The following AGBL4 variants were observed in gnomAD, a reference collection of about 807,000 sequenced individuals.
AGBL4 encodes the protein AGBL carboxypeptidase 4.
Under a neutral mutation model 66.4 loss-of-function variants are expected in AGBL4, and 58 were observed. The observed-to-expected ratio is 0.87, with a 90% CI of 0.71 to 1.09. The LOEUF (loss-of-function observed/expected upper bound fraction) is 1.09. AGBL4 is among the 50% of genes least tolerant of loss of function. AGBL4 has a pLI of 0.00. For missense variants in AGBL4, 579 were observed against 631.0 expected (o/e 0.92, Z 0.88); for synonymous variants, 234 against 222.9 (o/e 1.05, Z -0.44).
At chr1:49,458,066 T>A (rs1577968) in intron 3 of AGBL4, among the ~76,000 whole-genome samples, 91,536 of 151,360 alleles carry the variant, frequency 0.6, 28,457 homozygotes, top group Non-Finnish European at 0.67. Context: ...AATTTTAGGA[T>A]TGTTTTTACG....
At chr1:49,524,479 T>C (rs916219134) in intron 3 of AGBL4, among the ~76,000 whole-genome samples, 3 of 152,058 alleles carry the variant, frequency 2.0e-5, no homozygotes, top group Non-Finnish European at 2.9e-5. Context: ...AAAGAGAATA[T>C]AGTCCTGGGC....
chr1:49,990,231 A>G (rs976130895), intron 1 of AGBL4, among the ~76,000 whole-genome samples: 1 of 152,224 alleles, frequency 6.6e-6, no homozygotes, highest in African/African-American at 2.4e-5. Context: ...CACATTTAAT[A>G]TGGTTAGGCT....
intron 11 of AGBL4, among the ~76,000 whole-genome samples, chr1:48,577,117 T>C (rs1471188199): frequency 3.3e-5 from 5 of 152,268 alleles, no homozygotes; most frequent in Admixed American, 6.5e-5. Context: ...TCCCTCTCAT[T>C]GTCCTTGGAC....
At chr1:48,587,613 ATTATT>A (rs1644844019) in intron 10 of AGBL4, among the ~76,000 whole-genome samples, 1 of 146,182 alleles carries the variant, frequency 6.8e-6, no homozygotes, top group South Asian at 2.3e-4. Flanking sequence ...TTTTATTATT[ATTATT>A]TTATTTATTT....
At chr1:49,757,974 TG>T (rs1234256210) in intron 2 of AGBL4, among the ~76,000 whole-genome samples, 1 of 152,124 alleles carries the variant, frequency 6.6e-6, no homozygotes, top group African/African-American at 2.4e-5. Flanking sequence ...ATCCCCTCCC[TG>T]TAGGCCTGGG....
At chr1:48,847,010 A>C (rs1390633880) in intron 6 of AGBL4, among the ~76,000 whole-genome samples, 1 of 152,106 alleles carries the variant, frequency 6.6e-6, no homozygotes, top group African/African-American at 2.4e-5. Flanking sequence ...AAAACAAAAA[A>C]ACGAACTTGG....
At position 49,708,183 on chromosome 1, in the gene AGBL4, G is replaced by A. The variant is rs374641687; in HGVS notation, c.158-10746C>T. ...GTTCCATTCTCCCCCTCATTTTCAGGTACACCAATCAAATGTAAGTTTGGT... is the reference window on the plus strand; with the variant it reads ...GTTCCATTCTCCCCCTCATTTTCAGATACACCAATCAAATGTAAGTTTGGT... On this transcript the variant is annotated intron_variant, in intron 2 of 13. Coordinates refer to ENST00000371839, the MANE Select transcript of AGBL4 (RefSeq NM_032785.4). Among the ~76,000 whole-genome samples the A allele has an allele frequency of 2.5e-4, 38 of 152,032 alleles. 2 individuals are homozygous for A. Among genetic ancestry groups the A allele is most frequent in the African/African-American group, 8.9e-4 (37 of 41,474 alleles).
chr1:49,629,174 C>A (rs1645522126), intron 3 of AGBL4, among the ~76,000 whole-genome samples: 1 of 152,140 alleles, frequency 6.6e-6, no homozygotes, highest in Non-Finnish European at 1.5e-5. Context: ...TACATATTGT[C>A]TATAGGAACT....
At chr1:48,959,100 T>G (rs1341030574) in intron 5 of AGBL4, among the ~76,000 whole-genome samples, 1 of 152,170 alleles carries the variant, frequency 6.6e-6, no homozygotes, top group African/African-American at 2.4e-5. Context: ...GAGGGAGGCA[T>G]CTGGATAGCG....
At chr1:49,304,613 T>C (rs1327594095) in intron 3 of AGBL4, among the ~76,000 whole-genome samples, 1 of 152,174 alleles carries the variant, frequency 6.6e-6, no homozygotes, top group African/African-American at 2.4e-5. Context: ...TGGATGGGAC[T>C]TGTAAACAGG....
At chr1:49,815,727 A>G (rs138891200) in intron 2 of AGBL4, among the ~76,000 whole-genome samples, 136 of 152,202 alleles carry the variant, frequency 8.9e-4, no homozygotes, top group African/African-American at 3.1e-3. Context: ...GTGAGATGCT[A>G]TTTCATTATA....
At chr1:49,243,554 A>T (rs1054591487) in intron 4 of AGBL4, among the ~76,000 whole-genome samples, 15 of 152,020 alleles carry the variant, frequency 9.9e-5, no homozygotes, top group South Asian at 8.3e-4. Context: ...AAGGAGAATA[A>T]CAATTATGAT....
At chr1:49,132,939 C>T (rs572083238) in intron 4 of AGBL4, among the ~76,000 whole-genome samples, 12 of 152,246 alleles carry the variant, frequency 7.9e-5, no homozygotes, top group East Asian at 1.9e-4. Context: ...CACATGCACA[C>T]GTAGGTTTAT....
At chr1:49,722,972 T>G (rs937978702) in intron 2 of AGBL4, among the ~76,000 whole-genome samples, 2 of 152,108 alleles carry the variant, frequency 1.3e-5, no homozygotes, top group Admixed American at 6.6e-5. Flanking sequence ...TGAAGCTGCC[T>G]ACTATATGAA....
intron 3 of AGBL4, among the ~76,000 whole-genome samples, chr1:49,347,709 A>C (rs1645662742): frequency 6.6e-6 from 1 of 151,342 alleles, no homozygotes; most frequent in African/African-American, 2.4e-5. Context: ...AATACAAAAA[A>C]ATTAGCCGGG....
chr1:48,702,875 C>G (rs1646824771), intron 6 of AGBL4, among the ~76,000 whole-genome samples: 2 of 152,132 alleles, frequency 1.3e-5, no homozygotes, highest in African/African-American at 4.8e-5. Flanking sequence ...CAGGCAAAAT[C>G]AGCCCACAAA....
At chr1:49,509,714 A>T (rs1043441233) in intron 3 of AGBL4, among the ~76,000 whole-genome samples, 3 of 152,012 alleles carry the variant, frequency 2.0e-5, no homozygotes, top group Admixed American at 6.6e-5. Flanking sequence ...CTTAAATTGA[A>T]TCTCAATTTT....
At chr1:48,530,878 T>C (rs1451610476), downstream of AGBL4, among the ~76,000 whole-genome samples, 2 of 152,212 alleles carry the variant, frequency 1.3e-5, no homozygotes, top group Non-Finnish European at 2.9e-5. Context: ...GTGGCTCTAA[T>C]CTGAGACAGA....
intron 8 of AGBL4, among the ~76,000 whole-genome samples, chr1:48,636,221 A>C (rs1281162533): frequency 6.6e-6 from 1 of 152,196 alleles, no homozygotes; most frequent in Non-Finnish European, 1.5e-5. Flanking sequence ...TCAATATAGA[A>C]AGCAAAAAAG....
Sources: gnomAD v4.1 joint callset for allele counts (sites outside exome capture counted in the v4.1 genomes callset) on GRCh38, gnomAD v4.1.1 for gene constraint, MANE v1.5 for transcripts, NCBI Gene and HGNC (gene_info 2026-07-23, HGNC 2026-07-21) for gene names.